The following QTGAL variants were observed in gnomAD, a reference collection of about 807,000 sequenced individuals.
QTGAL encodes BGnT-like protein 1.
chr17:83,007,315 G>A, the QTGAL span: 1 of 979,642 alleles, frequency 1.0e-6, no homozygotes, highest in African/African-American at 1.8e-5. Flanking sequence ...ATCTGACCGA[G>A]ATGCATTTCT....
chr17:82,998,899 T>C, the QTGAL span, among the ~76,000 whole-genome samples: 1 of 151,892 alleles, frequency 6.6e-6, no homozygotes, highest in Non-Finnish European at 1.5e-5. Context: ...TTATTACCCA[T>C]TTGAGAAATG....
At chr17:82,992,912 T>C in the QTGAL span, among the ~76,000 whole-genome samples, 1,848 of 152,198 alleles carry the variant, frequency 0.012, 43 homozygotes, top group African/African-American at 0.042. Context: ...AAATAATGGG[T>C]AATAAGATAA....
At chr17:82,949,806 GT>G in the QTGAL span, 1 of 152,302 alleles carries the variant, frequency 6.6e-6, no homozygotes, top group African/African-American at 2.4e-5. Flanking sequence ...TGGGATGGTG[GT>G]TTTATGGTCC....
chr17:83,043,204 G>A, the QTGAL span, among the ~76,000 whole-genome samples: 2 of 152,180 alleles, frequency 1.3e-5, no homozygotes, highest in Non-Finnish European at 2.9e-5. Flanking sequence ...TACTCCACTT[G>A]ACAGCAGCAG....
chr17:82,948,504 C>CG, the QTGAL span: 1 of 152,284 alleles, frequency 6.6e-6, no homozygotes, highest in Admixed American at 6.5e-5. Flanking sequence ...CGTTTGCACA[C>CG]GGGACGTGGA....
At chr17:83,044,145 T>C in the QTGAL span, among the ~76,000 whole-genome samples, 1 of 152,204 alleles carries the variant, frequency 6.6e-6, no homozygotes, top group African/African-American at 2.4e-5. Context: ...GAGGCCAGTA[T>C]TACTCTGATA....
the QTGAL span, among the ~76,000 whole-genome samples, chr17:83,001,765 T>C: frequency 6.6e-6 from 1 of 152,140 alleles, no homozygotes; most frequent in African/African-American, 2.4e-5. Context: ...TTTTGACAAA[T>C]GCAATAAAGT....
chr17:82,963,113 C>G, the QTGAL span, among the ~76,000 whole-genome samples: 1 of 152,210 alleles, frequency 6.6e-6, no homozygotes, highest in East Asian at 1.9e-4. Context: ...GGCCGCCGCC[C>G]AGCCCCAATC....
the QTGAL span, among the ~76,000 whole-genome samples, chr17:83,048,026 CTCTCTCTT>C: frequency 1.1e-5 from 1 of 94,170 alleles, no homozygotes; most frequent in African/African-American, 3.8e-5. Context: ...CTCTCTTTCT[CTCTCTCTT>C]TCTCTTTTTT....
At chr17:83,040,563 C>T in the QTGAL span, among the ~76,000 whole-genome samples, 2 of 152,142 alleles carry the variant, frequency 1.3e-5, no homozygotes, top group African/African-American at 2.4e-5. Flanking sequence ...ATCTTAAATA[C>T]TTTGAGAAAC....
At chr17:82,990,499 G>C in the QTGAL span, among the ~76,000 whole-genome samples, 1,850 of 152,366 alleles carry the variant, frequency 0.012, 43 homozygotes, top group African/African-American at 0.042. Flanking sequence ...TCTGGATTTT[G>C]CACCAAATGC....
the QTGAL span, chr17:82,942,471 C>A: frequency 3.7e-6 from 6 of 1,613,856 alleles, no homozygotes; most frequent in Non-Finnish European, 5.1e-6. Context: ...TGAAGCCAGT[C>A]CTGGAGCCCA....
the QTGAL span, chr17:82,942,757 C>CA: frequency 3.8e-6 from 2 of 521,660 alleles, no homozygotes; most frequent in South Asian, 5.0e-5. Context: ...TGGAAAGGCT[C>CA]ACTGCCCAGG....
the QTGAL span, among the ~76,000 whole-genome samples, chr17:82,964,830 C>A: frequency 8.6e-6 from 1 of 116,910 alleles, no homozygotes; most frequent in South Asian, 3.0e-4. Context: ...CAGGTGCACC[C>A]CACGGGGAGG....
At chr17:83,042,165 G>A in the QTGAL span, among the ~76,000 whole-genome samples, 4 of 152,228 alleles carry the variant, frequency 2.6e-5, no homozygotes, top group Non-Finnish European at 4.4e-5. Flanking sequence ...CCAGGAATTC[G>A]AGACCAGCCT....
At chr17:83,024,156 G>A in the QTGAL span, among the ~76,000 whole-genome samples, 1 of 146,162 alleles carries the variant, frequency 6.8e-6, no homozygotes, top group Admixed American at 6.7e-5. Context: ...CACTCCTGGA[G>A]GCAGAGTCCC....
the QTGAL span, chr17:83,035,176 G>T: frequency 4.0e-6 from 5 of 1,237,956 alleles, no homozygotes; most frequent in Non-Finnish European, 5.7e-6. Context: ...CTTAGTATAT[G>T]ATATTCTTTT....
the QTGAL span, chr17:82,944,529 G>A: frequency 0.019 from 2,847 of 152,398 alleles, 38 homozygotes; most frequent in Non-Finnish European, 0.027. Flanking sequence ...TGTTGACTCC[G>A]AGAAGGTGTT....
At chr17:82,996,393 G>A in the QTGAL span, among the ~76,000 whole-genome samples, 16 of 151,854 alleles carry the variant, frequency 1.1e-4, no homozygotes, top group Non-Finnish European at 1.9e-4. Context: ...ATGGTGGTGC[G>A]CACCTGTAGT....
Sources: allele counts gnomAD v4.1 joint callset (sites outside exome capture counted in the v4.1 genomes callset), GRCh38; gene constraint gnomAD v4.1.1; transcripts MANE v1.5; gene names NCBI Gene and HGNC (gene_info 2026-07-23, HGNC 2026-07-21).